LGR5: variants seen among roughly 807,000 people sequenced by gnomAD.
LGR5 encodes leucine rich repeat containing G protein-coupled receptor 5.
LGR5 carries 54 observed loss-of-function variants against 76.7 expected under a neutral mutation model. The observed-to-expected ratio is 0.70, with a 90% confidence interval of 0.57 to 0.88. The LOEUF (loss-of-function observed/expected upper bound fraction) is 0.88. Among genes scored for constraint, LGR5 ranks in the 40% least tolerant of loss-of-function variants. LGR5 has a pLI of 0.00. For missense variants in LGR5, 1,078 were observed against 1,073.3 expected (o/e 1.00, Z -0.06); for synonymous variants, 406 against 421.9 (o/e 0.96, Z 0.46).
chr12:71,566,090 C>T (rs1271780152), intron 8 of LGR5, among the ~76,000 whole-genome samples: 2 of 152,116 alleles, frequency 1.3e-5, no homozygotes, highest in Admixed American at 1.3e-4. Context: ...AATGGATATT[C>T]TACAGATGTT....
chr12:71,499,269 G>A (rs1874485089), intron 1 of LGR5, among the ~76,000 whole-genome samples: 1 of 152,068 alleles, frequency 6.6e-6, no homozygotes, highest in South Asian at 2.1e-4. Context: ...AAGGACTGGA[G>A]GTTGAAATAG....
chr12:71,496,871 A>C (rs1295412745), intron 1 of LGR5, among the ~76,000 whole-genome samples: 1 of 152,216 alleles, frequency 6.6e-6, no homozygotes, highest in African/African-American at 2.4e-5. Context: ...GATTAAAAAG[A>C]AGCAAAACTA....
intron 4 of LGR5, among the ~76,000 whole-genome samples, chr12:71,535,553 C>G (rs1261268082): frequency 6.6e-6 from 1 of 151,906 alleles, no homozygotes. Context: ...ATTTTGACAT[C>G]TTTGATTTAT....
intron 1 of LGR5, among the ~76,000 whole-genome samples, chr12:71,450,157 G>A (rs1872188695): frequency 6.6e-6 from 1 of 152,140 alleles, no homozygotes; most frequent in Non-Finnish European, 1.5e-5. Context: ...CAGATCTCCT[G>A]AAAACCCCAG....
intron 3 of LGR5, among the ~76,000 whole-genome samples, chr12:71,533,872 T>C (rs1233741839): frequency 2.0e-5 from 3 of 152,192 alleles, no homozygotes; most frequent in African/African-American, 4.8e-5. Context: ...TTCTTAACCA[T>C]ACCGTTCACA....
At chr12:71,505,397 G>A (rs1311044383) in intron 2 of LGR5, among the ~76,000 whole-genome samples, 4 of 152,156 alleles carry the variant, frequency 2.6e-5, no homozygotes, top group African/African-American at 4.8e-5. Context: ...ATCCTCTTAC[G>A]CTTTTGAATG....
At chr12:71,539,283 C>A (rs1207632071) in intron 4 of LGR5, among the ~76,000 whole-genome samples, 1 of 152,172 alleles carries the variant, frequency 6.6e-6, no homozygotes, top group Non-Finnish European at 1.5e-5. Context: ...CATTTGCATT[C>A]TTTGCTCCAC....
At chr12:71,525,541 A>C (rs1875954486) in intron 3 of LGR5, among the ~76,000 whole-genome samples, 2 of 151,960 alleles carry the variant, frequency 1.3e-5, no homozygotes, top group African/African-American at 4.8e-5. Flanking sequence ...CCCCCCAAAA[A>C]AATTTGGAAC....
chr12:71,564,885 CAT>C (rs1370243162), intron 8 of LGR5, among the ~76,000 whole-genome samples: 2 of 150,168 alleles, frequency 1.3e-5, no homozygotes, highest in Admixed American at 6.7e-5. Flanking sequence ...TGTATATATA[CAT>C]ATATAAATAT....
chr12:71,565,425 T>G lies in LGR5; in HGVS notation c.858-979T>G, dbSNP rs1296055961. On this transcript the variant is annotated intron_variant, in intron 8 of 17. Transcript: ENST00000266674. ...GTTGTTGCATGGATCAATTGAGCTA[T>G]ATATATATATATATATATAGCTCAT... Among the ~76,000 whole-genome samples, 9 of 4,508 alleles carry G rather than the reference T, an allele frequency of 2.0e-3. No homozygotes were observed. The Non-Finnish European group carries it at 0.13, about 64-fold the overall frequency. 3.0% of individuals were successfully genotyped at this position (4,508 alleles called of 152,430 possible). A position where few individuals can be genotyped will look rare whatever the true frequency, so the allele number is the denominator to read the frequency against.
chr12:71,544,325 T>C (rs996735182), intron 4 of LGR5, among the ~76,000 whole-genome samples: 1 of 148,642 alleles, frequency 6.7e-6, no homozygotes, highest in African/African-American at 2.5e-5. Flanking sequence ...TCTTTTTTTT[T>C]TTTTTGTTAA....
intron 1 of LGR5, among the ~76,000 whole-genome samples, chr12:71,484,843 TG>T (rs1456630879): frequency 1.3e-5 from 2 of 152,178 alleles, no homozygotes; most frequent in African/African-American, 4.8e-5. Flanking sequence ...TTTCTATCTA[TG>T]GAGATTAGAA....
chr12:71,447,077 G>A (rs1435900873), intron 1 of LGR5, among the ~76,000 whole-genome samples: 3 of 152,168 alleles, frequency 2.0e-5, no homozygotes, highest in Non-Finnish European at 4.4e-5. Flanking sequence ...TTTCTTAACA[G>A]GCAAATTCTA....
chr12:71,494,439 C>T lies in LGR5; in HGVS notation c.213-10175C>T, dbSNP rs188450248. Among the ~76,000 whole-genome samples the T allele has an allele frequency of 1.5e-4, 22 of 151,074 alleles. No individual in the cohort carries two copies. The East Asian group carries it at 3.9e-3, about 27-fold the overall frequency. ...TTTGGATCAGCTAGTTCTTTGTAAG[C>T]CTCTGTATGCCAATCAAAAAATGCA... On this transcript the variant is annotated intron_variant, in intron 1 of 17. Transcript: ENST00000266674.
At chr12:71,464,067 G>A (rs1175501970) in intron 1 of LGR5, among the ~76,000 whole-genome samples, 1 of 152,114 alleles carries the variant, frequency 6.6e-6, no homozygotes, top group African/African-American at 2.4e-5. Context: ...GGACTTAAAT[G>A]TCAGTTTATA....
At chr12:71,456,189 G>C (rs1441814415) in intron 1 of LGR5, among the ~76,000 whole-genome samples, 3 of 151,964 alleles carry the variant, frequency 2.0e-5, no homozygotes, top group Admixed American at 1.3e-4. Flanking sequence ...TTCAAATTTA[G>C]ATAAGTCCAC....
rs78924329 is a variant in LGR5 at position 71,456,265 on chromosome 12, A to G, written c.212+15973A>G. ...GCCCATCTGACAAGACTACATAAAA[A>G]GCTTTTGATCAAAGGGTCTTAAGTA... On this transcript the variant is annotated intron_variant, in intron 1 of 17. Transcript: ENST00000266674. 1.6e-3 allele frequency among the ~76,000 whole-genome samples: 251 copies of G among 152,320 alleles called. 3 individuals are homozygous for G. In the East Asian group the frequency reaches 0.026, roughly 16 times the overall value.
rs1277633303 is a variant in LGR5, at chr12:71,553,167, A to G, written c.523A>G (p.Thr175Ala). The G allele has an allele frequency of 3.1e-6, 5 of 1,614,028 alleles. No individual in the cohort carries two copies. The highest frequency in any genetic ancestry group is 1.7e-5 in the Admixed American group (1 of 59,984). Residue 175 changes from threonine to alanine, a missense_variant, in exon 5 of 18, where the codon ACA becomes GCA. Physicochemically the swap from Thr to Ala is moderately conservative, Grantham distance 58. Transcript: ENST00000266674. ...RHLWLDDNAL[T>A]EIPVQAFRSL... is the part of the protein sequence containing the mutation. ...CCTGTGGCTGGATGACAATGCGTTAACAGAAATCCCCGTCCAGGCTTTTAG... is the reference window on the plus strand; with the variant it reads ...CCTGTGGCTGGATGACAATGCGTTAGCAGAAATCCCCGTCCAGGCTTTTAG...
Position 71,566,477 on chromosome 12 carries a change from T to C in LGR5, c.929+2T>C. 1.3e-6 allele frequency: 2 copies of C among 1,591,032 alleles called. No individual in the cohort carries two copies. The highest frequency in any genetic ancestry group is 1.7e-6 in the Non-Finnish European group (2 of 1,159,328). On this transcript the variant is annotated splice_donor_variant, in intron 9 of 17. Transcript: ENST00000266674. LOFTEE classifies it high-confidence loss of function. ...ACATTTACCTGAACTAAGAACACTG[T>C]AAGTTTCTATGTCTCTTATGGATCA... is the stretch of plus-strand genomic sequence containing the variant.
Sources: gnomAD v4.1 joint callset for allele counts (sites outside exome capture counted in the v4.1 genomes callset) on GRCh38, gnomAD v4.1.1 for gene constraint, MANE v1.5 for transcripts, NCBI Gene and HGNC (gene_info 2026-07-23, HGNC 2026-07-21) for gene names.